Variants in CATSPERB observed in about 807,000 individuals in gnomAD.
CATSPERB encodes the protein cation channel sperm-associated auxiliary subunit beta.
In CATSPERB, 93 loss-of-function variants were observed where a neutral mutation model predicts 128.3. The ratio of observed to expected loss-of-function variants is 0.72; its 90% CI spans 0.61 to 0.86. The LOEUF (loss-of-function observed/expected upper bound fraction) is 0.86, where lower values mean the gene tolerates loss of function less well. CATSPERB is among the 40% of genes least tolerant of loss of function. CATSPERB has a pLI of 0.00. For synonymous variants in CATSPERB, 381 were observed against 448.8 expected, an observed-to-expected ratio of 0.85 and a Z score of 1.91; for missense variants, 1,153 against 1,329.5, an observed-to-expected ratio of 0.87 and a Z score of 2.06.
Position 91,693,427 on chromosome 14 carries a change from T to A in CATSPERB, c.669A>T (p.Thr223=). Residue 223 remains threonine (T), a synonymous_variant, in exon 8 of 27, where the codon ACA becomes ACT. Coordinates refer to ENST00000256343, the MANE Select transcript of CATSPERB (RefSeq NM_024764.4). Reference sequence around the variant, plus strand: ...AGATAGTCTGTGTCATGTTAAACCATGTGGTATCATAATCATGCCAGAATC... The same window carrying A: ...AGATAGTCTGTGTCATGTTAAACCAAGTGGTATCATAATCATGCCAGAATC... ...FGGFWHDYDT[T]WFNMTQTIYS... 6.2e-7 allele frequency: 1 copy of A among 1,614,110 alleles called. No individual in the cohort carries two copies. Among genetic ancestry groups the A allele is most frequent in the Non-Finnish European group, 8.5e-7 (1 of 1,179,968 alleles).
intron 14 of CATSPERB, among the ~76,000 whole-genome samples, chr14:91,666,280 C>T (rs1022188869): frequency 6.6e-6 from 1 of 152,296 alleles, no homozygotes; most frequent in Non-Finnish European, 1.5e-5. Flanking sequence ...AAAACGGCTG[C>T]GGGGGTTCCT....
At chr14:91,648,128 T>C (rs1314878377) in intron 15 of CATSPERB, among the ~76,000 whole-genome samples, 1 of 152,206 alleles carries the variant, frequency 6.6e-6, no homozygotes, top group Non-Finnish European at 1.5e-5. Context: ...GTTTTCTTCA[T>C]ACTTGTGGCC....
Position 91,623,627 on chromosome 14 carries a change from T to C in CATSPERB, c.1930+1193A>G, listed in dbSNP as rs553582637. On this transcript the variant is annotated intron_variant, in intron 18 of 26. Coordinates refer to ENST00000256343, the MANE Select transcript of CATSPERB (RefSeq NM_024764.4). The stretch of plus-strand genomic sequence containing the variant: ...GCATCTTTAAGTTTAATATGATCTC[T>C]CACTTGATTATTGTAATGGCCTCCT... Among the ~76,000 whole-genome samples, 189 of 152,334 alleles carry C rather than the reference T, an allele frequency of 1.2e-3. 2 individuals carry two copies. Among genetic ancestry groups the C allele is most frequent in the African/African-American group, 4.5e-3 (189 of 41,580 alleles).
intron 7 of CATSPERB, among the ~76,000 whole-genome samples, chr14:91,702,675 A>ACAC (rs1895669455): frequency 6.9e-6 from 1 of 145,500 alleles, no homozygotes; most frequent in Non-Finnish European, 1.5e-5. Flanking sequence ...CAAAAAAGAA[A>ACAC]ACACACACAC....
intron 11 of CATSPERB, among the ~76,000 whole-genome samples, chr14:91,681,153 G>A (rs796314860): frequency 3.9e-5 from 6 of 152,232 alleles, no homozygotes; most frequent in African/African-American, 1.4e-4. Context: ...TGTTCAATTC[G>A]TACGTTTAGC....
intron 2 of CATSPERB, among the ~76,000 whole-genome samples, chr14:91,728,808 A>G (rs1896161857): frequency 1.3e-5 from 2 of 152,228 alleles, no homozygotes; most frequent in Admixed American, 6.5e-5. Context: ...GCCTGCTCTG[A>G]CTACCATAAA....
At chr14:91,693,578 A>G in intron 7 of CATSPERB, 99 bp from the exon 8 acceptor site, 2 of 750,778 alleles carry the variant, frequency 2.7e-6, no homozygotes, top group Non-Finnish European at 4.6e-6. Flanking sequence ...CCCTCTCAGC[A>G]CTATGACTCT....
intron 22 of CATSPERB, 44 bp from the exon 23 acceptor site, chr14:91,592,046 C>A: frequency 1.6e-6 from 2 of 1,242,694 alleles, no homozygotes; most frequent in Non-Finnish European, 2.4e-6. Flanking sequence ...TTCTGCGTTG[C>A]GGGATTTCTG....
chr14:91,659,135 T>C (rs1894833900), intron 15 of CATSPERB, among the ~76,000 whole-genome samples: 1 of 152,170 alleles, frequency 6.6e-6, no homozygotes, highest in South Asian at 2.1e-4. Flanking sequence ...AACACTAATA[T>C]GTTATATAGT....
chr14:91,612,043 TCTTTCTTTCTTTCTTTCTTTCTTC>T (rs1393374149), intron 20 of CATSPERB, among the ~76,000 whole-genome samples: 103 of 109,732 alleles, frequency 9.4e-4, no homozygotes, highest in African/African-American at 1.7e-3. Flanking sequence ...TTTCTTTCTT[TCTTTCTTTCTTTCTTTCTTTCTTC>T]CTTTTTTTAA....
chr14:91,663,644 CAAAAA>C (rs34498815), intron 14 of CATSPERB, among the ~76,000 whole-genome samples: 3 of 86,740 alleles, frequency 3.5e-5, no homozygotes, highest in Non-Finnish European at 4.3e-5. Flanking sequence ...GACTCCGTCT[CAAAAA>C]AAAAAAAAAA....
Position 91,639,131 on chromosome 14 carries a change from TGG to T in CATSPERB, c.1550_1551del (p.Pro517HisfsTer7). The T allele has an allele frequency of 6.2e-7, 1 of 1,614,108 alleles. No individual in the cohort carries two copies. The highest frequency in any genetic ancestry group is 1.7e-4 in the Middle Eastern group (1 of 6,060). Reference sequence around the variant, plus strand: ...AGATTTCTAGAATTTCCAAAGGCTGTGGGTGGTCCACTAGCTTCAAAGCGACC... The same window carrying T: ...AGATTTCTAGAATTTCCAAAGGCTGTGTGGTCCACTAGCTTCAAAGCGACC... ...TLGRFEASGP[P>X]TAFGNSRNLF... On this transcript the variant is annotated frameshift_variant, in exon 16 of 27. Coordinates refer to ENST00000256343, the MANE Select transcript of CATSPERB (RefSeq NM_024764.4). LOFTEE classifies it high-confidence loss of function.
rs564241741 is a variant in CATSPERB, at chr14:91,596,134, A to T, written c.2710-4132T>A. On this transcript the variant is annotated intron_variant, in intron 22 of 26. Transcript: ENST00000256343. The stretch of plus-strand genomic sequence containing the variant: ...CTGAAAGTTCCTTTATTCCAATGTC[A>T]CAATTTCCAAAGTTATCAGAAAACC... Among the ~76,000 whole-genome samples, 4 of 152,202 alleles carry T rather than the reference A, an allele frequency of 2.6e-5. No homozygotes were observed. The South Asian group carries it at 8.3e-4, about 32-fold the overall frequency.
intron 5 of CATSPERB, among the ~76,000 whole-genome samples, chr14:91,711,700 A>G (rs1895842733): frequency 6.6e-6 from 1 of 152,246 alleles, no homozygotes; most frequent in Non-Finnish European, 1.5e-5. Context: ...TATCAGAAAT[A>G]AAGAGGGACA....
intron 17 of CATSPERB, among the ~76,000 whole-genome samples, chr14:91,626,120 G>C (rs1894155494): frequency 6.6e-6 from 1 of 151,898 alleles, no homozygotes; most frequent in South Asian, 2.1e-4. Context: ...GCCAGACCCT[G>C]TCTCAAAAAA....
chr14:91,601,884 T>C (rs999397135), intron 22 of CATSPERB, among the ~76,000 whole-genome samples: 17 of 152,068 alleles, frequency 1.1e-4, no homozygotes, highest in African/African-American at 3.6e-4. Flanking sequence ...TATAAATCAA[T>C]AGTACAGCTT....
chr14:91,662,688 T>C (rs1024574647), intron 14 of CATSPERB, among the ~76,000 whole-genome samples: 4 of 152,194 alleles, frequency 2.6e-5, no homozygotes, highest in South Asian at 2.1e-4. Context: ...AGAAATCGTG[T>C]TGACCTACAC....
chr14:91,649,211 A>G (rs895204686), intron 15 of CATSPERB, among the ~76,000 whole-genome samples: 1 of 152,042 alleles, frequency 6.6e-6, no homozygotes, highest in Non-Finnish European at 1.5e-5. Context: ...ACTTTTGGTT[A>G]TTCTATTTTA....
intron 10 of CATSPERB, among the ~76,000 whole-genome samples, chr14:91,686,788 A>G (rs1895383362): frequency 6.6e-6 from 1 of 152,224 alleles, no homozygotes; most frequent in Non-Finnish European, 1.5e-5. Flanking sequence ...GACACATAAA[A>G]TTTCTAGGTA....
Sources: gnomAD v4.1 joint callset for allele counts (sites outside exome capture counted in the v4.1 genomes callset) on GRCh38, gnomAD v4.1.1 for gene constraint, MANE v1.5 for transcripts, NCBI Gene and HGNC (gene_info 2026-07-23, HGNC 2026-07-21) for gene names.